The following CSMD2 variants were observed in gnomAD, a reference collection of about 807,000 sequenced individuals.
CSMD2 encodes CUB and sushi domain-containing protein 2.
In CSMD2, 130 loss-of-function variants were observed where a neutral mutation model predicts 398.5. The observed-to-expected ratio is 0.33, with a 90% CI of 0.28 to 0.38. CSMD2 has a LOEUF of 0.38. Among genes scored for constraint, CSMD2 ranks in the 10% least tolerant of loss-of-function variants. The pLI is 1.00. For missense variants in CSMD2, 3,829 were observed against 4,764.9 expected (o/e 0.80, Z 5.78); for synonymous variants, 1,828 against 1,908.5 (o/e 0.96, Z 1.10).
chr1:33,586,713 G>A, intron 45 of CSMD2, 96 bp from the exon 46 acceptor site: 2 of 756,706 alleles, frequency 2.6e-6, no homozygotes, highest in Middle Eastern at 2.4e-4. Flanking sequence ...GGCGGGTCAT[G>A]TTCTGTTCAG....
At chr1:34,039,905 C>A (rs1651641219) in intron 2 of CSMD2, among the ~76,000 whole-genome samples, 1 of 152,124 alleles carries the variant, frequency 6.6e-6, no homozygotes, top group Admixed American at 6.5e-5. Flanking sequence ...GTAATCCCAG[C>A]ACTTTGGGAG....
intron 1 of CSMD2, among the ~76,000 whole-genome samples, chr1:34,117,443 T>C (rs1661718086): frequency 6.6e-6 from 1 of 151,992 alleles, no homozygotes; most frequent in Non-Finnish European, 1.5e-5. Flanking sequence ...TTAGAGCTAG[T>C]GAGGAGATTG....
At chr1:34,078,710 C>T (rs986580723) in intron 2 of CSMD2, among the ~76,000 whole-genome samples, 1 of 152,228 alleles carries the variant, frequency 6.6e-6, no homozygotes, top group Admixed American at 6.5e-5. Context: ...CAGGAAAACA[C>T]TGAGACAGGA....
At chr1:33,745,255 C>A (rs2149260108) in intron 13 of CSMD2, among the ~76,000 whole-genome samples, 1 of 151,566 alleles carries the variant, frequency 6.6e-6, no homozygotes, top group African/African-American at 2.4e-5. Context: ...GACATAAGCC[C>A]CCAAATAAAA....
rs1658359445 is a variant in CSMD2, at chr1:33,559,576, G to C, written c.8381-103C>G. The C allele has an allele frequency of 9.9e-7, 1 of 1,014,316 alleles. No homozygotes were observed. The highest frequency in any genetic ancestry group is 1.4e-6 in the Non-Finnish European group (1 of 697,194). 62.8% of individuals were successfully genotyped at this position (1,014,316 alleles called of 1,614,324 possible). A position where few individuals can be genotyped will look rare whatever the true frequency, so the allele number is the denominator to read the frequency against. ...TCTCTTAGGCCATCAGTGAAGTTCAGCCCTAAGTCTAACTTCAATCTCTTT... is the reference window on the plus strand; with the variant it reads ...TCTCTTAGGCCATCAGTGAAGTTCACCCCTAAGTCTAACTTCAATCTCTTT... On this transcript the variant is annotated intron_variant, in intron 53 of 70. Transcript: ENST00000373381. The surrounding 1 kb of genome is among the most constrained non-coding windows in gnomAD (Gnocchi z 4.0).
chr1:33,811,794 T>A (rs1453690513), intron 9 of CSMD2, among the ~76,000 whole-genome samples: 1 of 152,246 alleles, frequency 6.6e-6, no homozygotes, highest in East Asian at 1.9e-4. Context: ...CTTCATTCTT[T>A]AACGTTAGTG....
At chr1:33,552,719 T>C (rs1657573888) in intron 55 of CSMD2, among the ~76,000 whole-genome samples, 1 of 152,112 alleles carries the variant, frequency 6.6e-6, no homozygotes, top group Non-Finnish European at 1.5e-5. Flanking sequence ...ATATGAAATG[T>C]CCAGAATAGG....
chr1:33,996,810 G>T (rs112239692), intron 3 of CSMD2, among the ~76,000 whole-genome samples: 2 of 151,882 alleles, frequency 1.3e-5, no homozygotes, highest in Non-Finnish European at 2.9e-5. Context: ...GGGGAGGGAG[G>T]GAGAGGGGAA....
chr1:33,547,438 T>G (rs558253418), intron 56 of CSMD2, among the ~76,000 whole-genome samples: 2 of 152,358 alleles, frequency 1.3e-5, no homozygotes, highest in South Asian at 4.1e-4. Context: ...TATCTCCTCA[T>G]GTAACCATGT....
intron 3 of CSMD2, among the ~76,000 whole-genome samples, chr1:33,956,836 T>C (rs550010142): frequency 1.3e-5 from 2 of 152,182 alleles, no homozygotes; most frequent in South Asian, 2.1e-4. Flanking sequence ...AAATACAAAT[T>C]AGAGCATGTC....
chr1:33,624,429 G>GCACCAGCCAGCACCTGTGGTTGT lies in CSMD2; in HGVS notation c.5625+67_5625+89dup. 1.3e-6 allele frequency: 2 copies of GCACCAGCCAGCACCTGTGGTTGT among 1,522,560 alleles called. No individual in the cohort carries two copies. Among genetic ancestry groups the GCACCAGCCAGCACCTGTGGTTGT allele is most frequent in the East Asian group, 4.5e-5 (2 of 44,084 alleles). 94.3% of individuals were successfully genotyped at this position (1,522,560 alleles called of 1,614,324 possible). A position where few individuals can be genotyped will look rare whatever the true frequency, so the allele number is the denominator to read the frequency against. On this transcript the variant is annotated intron_variant, in intron 35 of 70. Coordinates refer to ENST00000373381, the MANE Select transcript of CSMD2 (RefSeq NM_001281956.2). The surrounding 1 kb of genome is among the most constrained non-coding windows in gnomAD (Gnocchi z 4.7). ...CTGGCTCACCCTGACTCAGGCCTTG[G>GCACCAGCCAGCACCTGTGGTTGT]CACCAGCCAGCACCTGTGGTTGTCA...
intron 25 of CSMD2, among the ~76,000 whole-genome samples, chr1:33,665,102 C>A (rs1054702158): frequency 6.6e-6 from 1 of 152,150 alleles, no homozygotes; most frequent in Non-Finnish European, 1.5e-5. Context: ...GCATTTGTAG[C>A]TTTCAAATTC....
At chr1:33,539,905 T>A (rs1284309490) in intron 60 of CSMD2, among the ~76,000 whole-genome samples, 1 of 152,098 alleles carries the variant, frequency 6.6e-6, no homozygotes, top group Non-Finnish European at 1.5e-5. Context: ...CATGAGTATG[T>A]GGATAGTTTT....
In CSMD2 at chr1:33,852,655, T is replaced by C. The variant is rs528322001; in HGVS notation, c.921-5659A>G. Among the ~76,000 whole-genome samples the C allele has an allele frequency of 3.3e-4, 50 of 152,354 alleles. No individual in the cohort carries two copies. In the South Asian group the frequency reaches 9.1e-3, roughly 28 times the overall value. On this transcript the variant is annotated intron_variant, in intron 5 of 70. Coordinates refer to ENST00000373381, the MANE Select transcript of CSMD2 (RefSeq NM_001281956.2). ...TGGGCATACCAAATTGTACTCATCT[T>C]TTGAGTTGACCATCTCTTCAACTAG... is the stretch of plus-strand genomic sequence containing the variant.
intron 64 of CSMD2, among the ~76,000 whole-genome samples, chr1:33,530,219 T>A (rs1557487838): frequency 6.6e-6 from 1 of 152,106 alleles, no homozygotes; most frequent in Non-Finnish European, 1.5e-5. Flanking sequence ...CTAAGGAACA[T>A]ATAGAAGGAA....
chr1:34,026,582 T>C (rs926207288), intron 3 of CSMD2, among the ~76,000 whole-genome samples: 1 of 152,220 alleles, frequency 6.6e-6, no homozygotes, highest in Non-Finnish European at 1.5e-5. Context: ...TCCATGCTGC[T>C]AAAATGCAGA....
At chr1:34,165,420 G>T, upstream of CSMD2, 1 of 735,194 alleles carries the variant, frequency 1.4e-6, no homozygotes, top group Non-Finnish European at 2.0e-6. Context: ...TAAAATATTG[G>T]GGGGCGGGGG....
chr1:33,516,812 C>T (rs996102271), intron 70 of CSMD2, among the ~76,000 whole-genome samples: 6 of 152,060 alleles, frequency 3.9e-5, no homozygotes, highest in Admixed American at 2.6e-4. Flanking sequence ...GGGCCAACTT[C>T]GCCATTAGAC....
In CSMD2 at chr1:34,091,409, C is replaced by T. The variant is rs75719918; in HGVS notation, c.188-2216G>A. ...TACTATTACTATCATCTCCATTTTA[C>T]AGACGAAGAACTAAGGCAGAAAGAA... On this transcript the variant is annotated intron_variant, in intron 1 of 70. Coordinates refer to ENST00000373381, the MANE Select transcript of CSMD2 (RefSeq NM_001281956.2). Among the ~76,000 whole-genome samples the T allele has an allele frequency of 4.2e-4, 64 of 152,306 alleles. No individual in the cohort carries two copies. The East Asian group carries it at 8.1e-3, about 19-fold the overall frequency.
Sources: gnomAD v4.1 joint callset for allele counts (sites outside exome capture counted in the v4.1 genomes callset) on GRCh38, gnomAD v4.1.1 for gene constraint, Gnocchi (gnomAD v3.1) non-coding constraint, MANE v1.5 for transcripts, NCBI Gene and HGNC (gene_info 2026-07-23, HGNC 2026-07-21) for gene names.